The following PDZD2 variants were observed in gnomAD, a reference collection of about 807,000 sequenced individuals.
The protein encoded by PDZD2 is PDZ domain-containing protein 2.
In PDZD2, 90 loss-of-function variants were observed where a neutral mutation model predicts 220.7. The ratio of observed to expected loss-of-function variants is 0.41; its 90% confidence interval spans 0.34 to 0.49. PDZD2 has a LOEUF of 0.49. Among genes scored for constraint, PDZD2 ranks in the 20% least tolerant of loss-of-function variants. PDZD2 has a pLI of 0.28. For missense variants in PDZD2, 3,174 were observed against 3,608.5 expected (o/e 0.88, Z 3.08); for synonymous variants, 1,375 against 1,450.5 (o/e 0.95, Z 1.18).
At chr5:32,021,684 G>A (rs1316913861) in intron 6 of PDZD2, among the ~76,000 whole-genome samples, 1 of 152,104 alleles carries the variant, frequency 6.6e-6, no homozygotes, top group African/African-American at 2.4e-5. Context: ...TCACATTTTA[G>A]CACTTAAAAT....
chr5:31,693,459 C>G (rs532948028), intron 1 of PDZD2, among the ~76,000 whole-genome samples: 49 of 152,090 alleles, frequency 3.2e-4, no homozygotes, highest in African/African-American at 1.1e-3. Flanking sequence ...CCAGGCTGGT[C>G]CGGAACTCCT....
intron 1 of PDZD2, among the ~76,000 whole-genome samples, chr5:31,722,368 C>T (rs1178044031): frequency 2.6e-5 from 4 of 152,132 alleles, no homozygotes; most frequent in Non-Finnish European, 4.4e-5. Flanking sequence ...ACTGCCTGGA[C>T]GGACAGCCTG....
chr5:32,066,967 G>A (rs986831652), intron 14 of PDZD2, among the ~76,000 whole-genome samples: 3 of 152,168 alleles, frequency 2.0e-5, no homozygotes, highest in East Asian at 3.9e-4. Context: ...TGGATTTCAT[G>A]TTTCTTCCTA....
intron 2 of PDZD2, among the ~76,000 whole-genome samples, chr5:31,919,378 G>T (rs1029273645): frequency 5.3e-5 from 8 of 151,054 alleles, no homozygotes; most frequent in African/African-American, 1.9e-4. Flanking sequence ...TTTTTGAGAC[G>T]GAGTCTCGCC....
chr5:32,074,692 G>A (rs769692976), intron 18 of PDZD2, 49 bp downstream of exon 18: 2 of 1,255,238 alleles, frequency 1.6e-6, no homozygotes. Context: ...ATGAATATGT[G>A]TGAGTGAAGA....
intron 23 of PDZD2, chr5:32,100,757 C>A: frequency 1.8e-6 from 1 of 556,958 alleles, no homozygotes; most frequent in Non-Finnish European, 3.1e-6. Flanking sequence ...AGTGTGACTT[C>A]AGTCCTCACT....
Position 31,880,791 on chromosome 5 carries a change from C to CTTTTTCCT in PDZD2, c.476+81072_476+81073insCCTTTTTT, listed in dbSNP as rs1739798959. Reference sequence around the variant, plus strand: ...AGAAAGGTAGCTTTCTTTTTTTTTTCTTTTTTTTTTTTTTTTTTTTTTTTT... The same window carrying CTTTTTCCT: ...AGAAAGGTAGCTTTCTTTTTTTTTTCTTTTTCCTTTTTTTTTTTTTTTTTTTTTTTTTT... On this transcript the variant is annotated intron_variant, in intron 2 of 24. Transcript: ENST00000438447. 9.2e-4 allele frequency among the ~76,000 whole-genome samples: 70 copies of CTTTTTCCT among 76,476 alleles called. 1 individual carries two copies. Among genetic ancestry groups the CTTTTTCCT allele is most frequent in the African/African-American group, 4.2e-3 (65 of 15,494 alleles). 50.2% of individuals were successfully genotyped at this position (76,476 alleles called of 152,430 possible). A position where few individuals can be genotyped will look rare whatever the true frequency, so the allele number is the denominator to read the frequency against.
chr5:31,755,189 C>T (rs796886239), intron 1 of PDZD2, among the ~76,000 whole-genome samples: 10 of 138,730 alleles, frequency 7.2e-5, no homozygotes, highest in African/African-American at 2.7e-4. Context: ...GTCTGGTTCC[C>T]CACCGATGAC....
chr5:31,974,165 G>C (rs151192406), intron 2 of PDZD2, among the ~76,000 whole-genome samples: 1,818 of 152,136 alleles, frequency 0.012, 51 homozygotes, highest in African/African-American at 0.042. Context: ...ATTTTTAGTA[G>C]AGATGGGGTT....
intron 2 of PDZD2, among the ~76,000 whole-genome samples, chr5:31,972,420 G>C (rs1208391736): frequency 6.6e-6 from 1 of 151,638 alleles, no homozygotes; most frequent in African/African-American, 2.4e-5. Context: ...AGCCTTTTCA[G>C]TGTTTTCTAT....
At chr5:32,040,133 G>T (rs1285491341) in intron 7 of PDZD2, among the ~76,000 whole-genome samples, 1 of 148,586 alleles carries the variant, frequency 6.7e-6, no homozygotes, top group Non-Finnish European at 1.5e-5. Context: ...CTGCCTGGCC[G>T]CCCAGTCTAG....
chr5:31,656,809 G>T (rs1289671553), intron 1 of PDZD2, among the ~76,000 whole-genome samples: 4 of 152,078 alleles, frequency 2.6e-5, no homozygotes, highest in Non-Finnish European at 5.9e-5. Flanking sequence ...GCCTTTTAGG[G>T]GCTCTAAGAG....
intron 2 of PDZD2, among the ~76,000 whole-genome samples, chr5:31,957,005 T>C (rs1301372989): frequency 6.6e-6 from 1 of 152,132 alleles, no homozygotes; most frequent in Non-Finnish European, 1.5e-5. Context: ...GTTTTTACTA[T>C]ACCTATAGGA....
At chr5:32,017,962 T>C (rs556410847) in intron 6 of PDZD2, among the ~76,000 whole-genome samples, 21 of 151,368 alleles carry the variant, frequency 1.4e-4, no homozygotes, top group Non-Finnish European at 2.5e-4. Context: ...TTTTATAAGC[T>C]GGAGATCTAC....
intron 1 of PDZD2, among the ~76,000 whole-genome samples, chr5:31,660,375 G>T (rs1745713021): frequency 6.6e-6 from 1 of 151,932 alleles, no homozygotes; most frequent in Non-Finnish European, 1.5e-5. Context: ...GATGGGGTCT[G>T]TGTTAGTCCA....
intron 5 of PDZD2, among the ~76,000 whole-genome samples, chr5:32,007,272 C>G (rs1752904970): frequency 6.6e-6 from 1 of 151,916 alleles, no homozygotes; most frequent in African/African-American, 2.4e-5. Flanking sequence ...CACAGCCTCC[C>G]AAAGTGCTGG....
intron 2 of PDZD2, 47 bp from the exon 3 acceptor site, chr5:31,983,108 A>G: frequency 6.3e-7 from 1 of 1,575,372 alleles, no homozygotes. Flanking sequence ...TGTGCTGTCT[A>G]GGAAGGGTGT....
intron 14 of PDZD2, among the ~76,000 whole-genome samples, chr5:32,066,029 AATCAAT>A (rs1740183751): frequency 9.9e-6 from 1 of 101,296 alleles, no homozygotes; most frequent in Non-Finnish European, 2.1e-5. Flanking sequence ...GGTCTAAATC[AATCAAT>A]CAATCAATCA....
intron 4 of PDZD2, 131 bp downstream of exon 4, chr5:31,995,849 G>A: frequency 1.2e-6 from 1 of 837,620 alleles, no homozygotes; most frequent in Non-Finnish European, 1.8e-6. Flanking sequence ...TTATGCTGGA[G>A]CACAGGAGGA....
Sources: gnomAD v4.1 joint callset for allele counts (sites outside exome capture counted in the v4.1 genomes callset) on GRCh38, gnomAD v4.1.1 for gene constraint, MANE v1.5 for transcripts, NCBI Gene and HGNC (gene_info 2026-07-23, HGNC 2026-07-21) for gene names.